Variants in FAM171B observed in about 807,000 individuals in gnomAD.
FAM171B encodes protein FAM171B.
In FAM171B, 19 loss-of-function variants were observed where a neutral mutation model predicts 75.6. The ratio of observed to expected loss-of-function variants is 0.25; its 90% CI spans 0.18 to 0.37. FAM171B has a LOEUF of 0.37. Among genes scored for constraint, FAM171B ranks in the 10% least tolerant of loss-of-function variants. The pLI is 1.00. For synonymous variants in FAM171B, 367 were observed against 361.7 expected (o/e 1.01, Z -0.17); for missense variants, 848 against 982.4 (o/e 0.86, Z 1.83).
chr2:186,707,587 C>T (rs974296038), intron 1 of FAM171B, among the ~76,000 whole-genome samples: 3 of 152,190 alleles, frequency 2.0e-5, no homozygotes, highest in Admixed American at 6.6e-5. Context: ...AGTCAAAAAT[C>T]GTAATGTGAC....
intron 6 of FAM171B, among the ~76,000 whole-genome samples, chr2:186,758,925 C>T (rs1248213450): frequency 6.6e-6 from 1 of 152,028 alleles, no homozygotes; most frequent in African/African-American, 2.4e-5. Flanking sequence ...TTCTAACTAA[C>T]TAACCATGCC....
intron 1 of FAM171B, among the ~76,000 whole-genome samples, chr2:186,718,815 A>G (rs1047528597): frequency 3.9e-5 from 6 of 152,146 alleles, no homozygotes; most frequent in African/African-American, 1.4e-4. Flanking sequence ...CTACCTACGG[A>G]CTTTTCTTTT....
rs145152263 is a variant in FAM171B, at chr2:186,742,690, C to T, written c.473-793C>T. 3.3e-5 allele frequency among the ~76,000 whole-genome samples: 5 copies of T among 152,272 alleles called. No individual in the cohort carries two copies. In the East Asian group the frequency reaches 9.6e-4, roughly 29 times the overall value. On this transcript the variant is annotated intron_variant, in intron 2 of 7. Transcript: ENST00000304698. ...AGAGGAAAGATATCAAACGAGAACT[C>T]GTGCTTTGGGAGCTCCTCAAAACTG...
intron 1 of FAM171B, among the ~76,000 whole-genome samples, chr2:186,726,387 C>A (rs978636579): frequency 6.6e-6 from 1 of 151,984 alleles, no homozygotes; most frequent in African/African-American, 2.4e-5. Context: ...TAATTCAGCA[C>A]CCTTTTGTTT....
In FAM171B at chr2:186,763,995, G is replaced by A. The variant is rs1254422067; in HGVS notation, c.*1172G>A. 5 of 151,900 alleles carry A rather than the reference G, an allele frequency of 3.3e-5. No homozygotes were observed. In the East Asian group the frequency reaches 9.6e-4, roughly 29 times the overall value. 9.4% of individuals were successfully genotyped at this position (151,900 alleles called of 1,614,324 possible). A position where few individuals can be genotyped will look rare whatever the true frequency, so the allele number is the denominator to read the frequency against. On this transcript the variant is annotated 3_prime_UTR_variant, in exon 8 of 8. Coordinates refer to ENST00000304698, the MANE Select transcript of FAM171B (RefSeq NM_177454.4). ...CTTTGCAACTTCTTTTTTCAGTTTT[G>A]TAAGTAATATATCTATGTTCTTTTC... is the stretch of plus-strand genomic sequence containing the variant.
intron 2 of FAM171B, among the ~76,000 whole-genome samples, chr2:186,740,756 ATT>A (rs138716521): frequency 0.021 from 3,263 of 152,234 alleles, 136 homozygotes; most frequent in African/African-American, 0.075. Context: ...TGGTGAGGGC[ATT>A]TTTGTTTATA....
chr2:186,761,018 T>A, intron 6 of FAM171B, 95 bp from the exon 7 acceptor site: 1 of 1,295,284 alleles, frequency 7.7e-7, no homozygotes. Context: ...AATAAAAGTA[T>A]GTACACTTAT....
intron 1 of FAM171B, among the ~76,000 whole-genome samples, chr2:186,736,122 C>G (rs1039036808): frequency 6.6e-6 from 1 of 152,128 alleles, no homozygotes; most frequent in Non-Finnish European, 1.5e-5. Context: ...ACTAATGGAA[C>G]CTCATTTTAA....
chr2:186,710,626 A>AT (rs1295809625), intron 1 of FAM171B, among the ~76,000 whole-genome samples: 2 of 151,864 alleles, frequency 1.3e-5, no homozygotes, highest in Non-Finnish European at 2.9e-5. Context: ...AGGGCTCCTC[A>AT]TTTTTTCTTC....
intron 1 of FAM171B, among the ~76,000 whole-genome samples, chr2:186,715,900 G>C (rs1400885144): frequency 6.6e-6 from 1 of 152,042 alleles, no homozygotes; most frequent in East Asian, 1.9e-4. Flanking sequence ...AAATCTTTAA[G>C]ATTTCAAACA....
chr2:186,729,329 T>C (rs1690078814), intron 1 of FAM171B, among the ~76,000 whole-genome samples: 1 of 147,448 alleles, frequency 6.8e-6, no homozygotes, highest in Non-Finnish European at 1.5e-5. Context: ...AATATGCTCA[T>C]TGAAAGCTAA....
chr2:186,696,098 G>T (rs770325514), intron 1 of FAM171B, among the ~76,000 whole-genome samples: 1 of 152,002 alleles, frequency 6.6e-6, no homozygotes, highest in Non-Finnish European at 1.5e-5. Flanking sequence ...TATTTGTGAG[G>T]GAATATTCTG....
intron 1 of FAM171B, among the ~76,000 whole-genome samples, chr2:186,703,453 T>A (rs1689691790): frequency 6.6e-6 from 1 of 152,194 alleles, no homozygotes; most frequent in Non-Finnish European, 1.5e-5. Context: ...AAATTCCATA[T>A]CCTTTGTCCT....
chr2:186,729,438 T>C (rs992062680), intron 1 of FAM171B, among the ~76,000 whole-genome samples: 156 of 152,254 alleles, frequency 1.0e-3, no homozygotes, highest in Non-Finnish European at 1.9e-3. Context: ...CAAAGTATTT[T>C]TTTTTTTCTG....
intron 1 of FAM171B, among the ~76,000 whole-genome samples, chr2:186,721,101 T>C (rs1215533616): frequency 1.3e-5 from 2 of 152,246 alleles, no homozygotes; most frequent in Non-Finnish European, 2.9e-5. Context: ...GTCATATCCC[T>C]ATCCCTTCAG....
intron 1 of FAM171B, among the ~76,000 whole-genome samples, chr2:186,719,674 T>C (rs1462071129): frequency 6.6e-6 from 1 of 152,246 alleles, no homozygotes; most frequent in Non-Finnish European, 1.5e-5. Context: ...AGCAGTCACA[T>C]TGATATATTG....
At chr2:186,701,618 C>A (rs181931013) in intron 1 of FAM171B, among the ~76,000 whole-genome samples, 20 of 152,212 alleles carry the variant, frequency 1.3e-4, no homozygotes, top group Non-Finnish European at 2.1e-4. Context: ...TGAAATTAAC[C>A]AAGTAATCAT....
At chr2:186,730,783 G>A (rs1690103493) in intron 1 of FAM171B, among the ~76,000 whole-genome samples, 1 of 152,012 alleles carries the variant, frequency 6.6e-6, no homozygotes, top group Admixed American at 6.6e-5. Context: ...TTTTTAGTGT[G>A]TCTTATTTTG....
chr2:186,751,280 G>A lies in FAM171B; in HGVS notation c.871G>A (p.Ala291Thr). ...NDISAGDRIP[A>T]WTFDMNTGAW... is the part of the protein sequence containing the mutation. ...TATAAGTGCAGGGGATCGCATACCT[G>A]CTTGGACATTTGATATGAACACAGG... Residue 291 changes from alanine (A) to threonine (T), a missense_variant, in exon 5 of 8, where the codon GCT (alanine) becomes ACT (threonine). Ala to Thr is a moderately conservative substitution (Grantham distance 58). Coordinates refer to ENST00000304698, the MANE Select transcript of FAM171B (RefSeq NM_177454.4). The A allele has an allele frequency of 1.3e-6, 2 of 1,596,746 alleles. No homozygotes were observed. The highest frequency in any genetic ancestry group is 1.7e-6 in the Non-Finnish European group (2 of 1,169,238).
Sources: allele counts gnomAD v4.1 joint callset (sites outside exome capture counted in the v4.1 genomes callset), GRCh38; gene constraint gnomAD v4.1.1; transcripts MANE v1.5; gene names NCBI Gene and HGNC (gene_info 2026-07-23, HGNC 2026-07-21).